PRDM5: variants seen among roughly 807,000 people sequenced by gnomAD.
The protein encoded by PRDM5 is PR/SET domain 5, also known as PR domain zinc finger protein 5.
PRDM5 carries 56 observed loss-of-function variants against 81.2 expected under a neutral mutation model. The observed-to-expected ratio is 0.69, with a 90% CI of 0.56 to 0.86. PRDM5 has a LOEUF of 0.86. Ranked by LOEUF, PRDM5 falls within the 40% of genes least tolerant of loss-of-function variation. PRDM5 has a pLI of 0.00. For synonymous variants in PRDM5, 267 were observed against 256.4 expected, an observed-to-expected ratio of 1.04 and a Z score of -0.39; for missense variants, 697 against 770.1, an observed-to-expected ratio of 0.91 and a Z score of 1.12.
chr4:120,826,206 T>C (rs2149358575), intron 3 of PRDM5, among the ~76,000 whole-genome samples: 1 of 152,278 alleles, frequency 6.6e-6, no homozygotes, highest in South Asian at 2.1e-4. Flanking sequence ...CAAATGTACC[T>C]GCTCCTCTTC....
rs1410110444 is a variant in PRDM5, at chr4:120,754,584, C to A, written c.1592G>T (p.Gly531Val). 1 of 1,597,744 alleles carries A rather than the reference C, an allele frequency of 6.3e-7. No individual in the cohort carries two copies. The highest frequency in any genetic ancestry group is 8.6e-7 in the Non-Finnish European group (1 of 1,165,434). Residue 531 changes from glycine (G) to valine (V), a missense_variant, in exon 14 of 16, where the codon GGA becomes GTA. Physicochemically the swap from Gly to Val is moderately radical, Grantham distance 109. Coordinates refer to ENST00000264808, the MANE Select transcript of PRDM5 (RefSeq NM_018699.4). ...GTGAGTACGAATGTGCATCTTCAGT[C>A]CATCATTTTTACTGAATCCTTTTTC... Reference protein sequence around the residue: ...YCEKGFSKNDGLKMHIRTHTR... With the variant: ...YCEKGFSKNDVLKMHIRTHTR...
chr4:120,776,765 C>G (rs954534210), intron 13 of PRDM5, among the ~76,000 whole-genome samples: 1 of 152,134 alleles, frequency 6.6e-6, no homozygotes, highest in Non-Finnish European at 1.5e-5. Flanking sequence ...ACATCACCCA[C>G]TCTGGTATCC....
chr4:120,743,051 G>A (rs1232062187), intron 14 of PRDM5, among the ~76,000 whole-genome samples: 6 of 151,784 alleles, frequency 4.0e-5, no homozygotes, highest in Non-Finnish European at 8.8e-5. Flanking sequence ...TACCTTCAAA[G>A]GGAAGCCCAT....
chr4:120,864,004 C>A (rs1218803889), intron 2 of PRDM5, among the ~76,000 whole-genome samples: 1 of 152,210 alleles, frequency 6.6e-6, no homozygotes, highest in African/African-American at 2.4e-5. Context: ...TATCCTCCAA[C>A]TAACAGAAAT....
At chr4:120,761,176 T>A (rs1019547544) in intron 13 of PRDM5, among the ~76,000 whole-genome samples, 2 of 152,162 alleles carry the variant, frequency 1.3e-5, no homozygotes, top group African/African-American at 4.8e-5. Flanking sequence ...AAAGCTACAC[T>A]ATTTGAAATG....
intron 14 of PRDM5, among the ~76,000 whole-genome samples, chr4:120,750,941 T>C (rs1361670663): frequency 6.6e-6 from 1 of 152,178 alleles, no homozygotes; most frequent in Non-Finnish European, 1.5e-5. Flanking sequence ...AAATGGGCAA[T>C]TTCAACAGAA....
At chr4:120,877,046 T>A (rs1406158782) in intron 2 of PRDM5, among the ~76,000 whole-genome samples, 1 of 152,200 alleles carries the variant, frequency 6.6e-6, no homozygotes, top group Non-Finnish European at 1.5e-5. Flanking sequence ...ATATTTTTTA[T>A]TACAAATAAA....
chr4:120,707,512 C>T lies in PRDM5; in HGVS notation c.1728+2797G>A, dbSNP rs149199991. Among the ~76,000 whole-genome samples, 441 of 151,652 alleles carry T rather than the reference C, an allele frequency of 2.9e-3. 3 individuals carry two copies. Among genetic ancestry groups the T allele is most frequent in the African/African-American group, 0.01 (420 of 41,378 alleles). ...TGAAAAAGAATGCAAAGAATAGACC[C>T]TTTCCTTATACCATATATAAGAGCT... is the stretch of plus-strand genomic sequence containing the variant. On this transcript the variant is annotated intron_variant, in intron 15 of 15. Transcript: ENST00000264808.
At chr4:120,859,237 T>C (rs919331463) in intron 2 of PRDM5, among the ~76,000 whole-genome samples, 2 of 149,848 alleles carry the variant, frequency 1.3e-5, no homozygotes, top group Admixed American at 6.7e-5. Flanking sequence ...AGAAACAGCA[T>C]CTCTGTTGCC....
intron 10 of PRDM5, among the ~76,000 whole-genome samples, chr4:120,797,161 G>C (rs1345286927): frequency 1.3e-5 from 2 of 152,292 alleles, no homozygotes; most frequent in East Asian, 3.9e-4. Flanking sequence ...GAAGAAGGTA[G>C]AGAGGTCACA....
At chr4:120,793,948 A>G (rs1312361640) in intron 10 of PRDM5, among the ~76,000 whole-genome samples, 2 of 152,058 alleles carry the variant, frequency 1.3e-5, no homozygotes, top group Admixed American at 6.6e-5. Flanking sequence ...TAAATAAAAA[A>G]ATAAGTAAAA....
At chr4:120,913,725 T>G (rs1766770436) in intron 1 of PRDM5, among the ~76,000 whole-genome samples, 1 of 152,126 alleles carries the variant, frequency 6.6e-6, no homozygotes, top group African/African-American at 2.4e-5. Context: ...TGGTGTGAGG[T>G]GTTCTCTCCA....
chr4:120,920,850 T>C (rs1724821741), intron 1 of PRDM5, among the ~76,000 whole-genome samples: 1 of 152,204 alleles, frequency 6.6e-6, no homozygotes, highest in South Asian at 2.1e-4. Context: ...ATCATTGCAA[T>C]AGTAAAGTGA....
intron 8 of PRDM5, among the ~76,000 whole-genome samples, chr4:120,807,257 G>A (rs1484947373): frequency 6.6e-6 from 1 of 152,222 alleles, no homozygotes; most frequent in East Asian, 1.9e-4. Flanking sequence ...TGGTGGGACT[G>A]TAAATTAGTT....
At chr4:120,790,247 T>G (rs1368100672) in intron 10 of PRDM5, among the ~76,000 whole-genome samples, 1 of 152,322 alleles carries the variant, frequency 6.6e-6, no homozygotes, top group Middle Eastern at 3.4e-3. Flanking sequence ...TACAGCTAAC[T>G]TAGAGCGTGC....
chr4:120,884,054 A>G (rs72680462), intron 2 of PRDM5, among the ~76,000 whole-genome samples: 11,450 of 152,244 alleles, frequency 0.075, 553 homozygotes, highest in Middle Eastern at 0.19. Context: ...ATTTATGCCC[A>G]ATCTATTAGT....
At chr4:120,839,929 G>A (rs998414643) in intron 3 of PRDM5, among the ~76,000 whole-genome samples, 1 of 152,180 alleles carries the variant, frequency 6.6e-6, no homozygotes, top group Non-Finnish European at 1.5e-5. Context: ...ACTGCCCCAG[G>A]TGTATGCACC....
intron 13 of PRDM5, among the ~76,000 whole-genome samples, chr4:120,771,963 T>A (rs1747356661): frequency 6.6e-6 from 1 of 152,222 alleles, no homozygotes; most frequent in Non-Finnish European, 1.5e-5. Flanking sequence ...TTTCATTTAT[T>A]CTTCACAAAA....
intron 4 of PRDM5, among the ~76,000 whole-genome samples, chr4:120,820,124 T>C (rs905913043): frequency 6.6e-6 from 1 of 152,200 alleles, no homozygotes. Context: ...GAAACCGCAA[T>C]GGAATTGTAT....
Sources: gnomAD v4.1 joint callset for allele counts (sites outside exome capture counted in the v4.1 genomes callset) on GRCh38, gnomAD v4.1.1 for gene constraint, MANE v1.5 for transcripts, NCBI Gene and HGNC (gene_info 2026-07-23, HGNC 2026-07-21) for gene names.